Variants in ANKRD34B observed in about 807,000 individuals in gnomAD.
The protein encoded by ANKRD34B is ankyrin repeat domain-containing protein 34B.
In ANKRD34B, 2 loss-of-function variants were observed where a neutral mutation model predicts 4.4. The ratio of observed to expected loss-of-function variants is 0.46; its 90% CI spans 0.19 to 1.44. The LOEUF is 1.44. ANKRD34B is among the 40% of genes most tolerant of loss of function. The pLI, the probability that ANKRD34B is intolerant of heterozygous loss-of-function variation, is 0.26. For missense variants in ANKRD34B, 558 were observed against 604.7 expected (o/e 0.92, Z 0.81); for synonymous variants, 226 against 227.1 (o/e 0.99, Z 0.05).
rs370376846 is a variant in ANKRD34B, at chr5:80,558,447, T to G, written c.*28A>C. The G allele has an allele frequency of 6.1e-5, 89 of 1,464,914 alleles. No individual in the cohort carries two copies. Among genetic ancestry groups the G allele is most frequent in the Middle Eastern group, 1.8e-4 (1 of 5,454 alleles). 90.7% of individuals were successfully genotyped at this position (1,464,914 alleles called of 1,614,324 possible). On this transcript the variant is annotated 3_prime_UTR_variant, in exon 5 of 5. Transcript: ENST00000338682. ...TCTTTGTTTCTCTGATATAAACATT[T>G]GAAGAAGATGTGTTTTATACCCATC...
In ANKRD34B at chr5:80,558,465, T is replaced by C; in HGVS notation, c.*10A>G. The C allele has an allele frequency of 6.5e-7, 1 of 1,540,732 alleles. No homozygotes were observed. Among genetic ancestry groups the C allele is most frequent in the Non-Finnish European group, 8.9e-7 (1 of 1,119,604 alleles). ...AAACATTTGAAGAAGATGTGTTTTA[T>C]ACCCATCTCCTAGAAGTTTACTAAT... is the stretch of plus-strand genomic sequence containing the variant. On this transcript the variant is annotated 3_prime_UTR_variant, in exon 5 of 5. Transcript: ENST00000338682.
intron 3 of ANKRD34B, among the ~76,000 whole-genome samples, chr5:80,565,291 A>T (rs1746532457): frequency 6.6e-6 from 1 of 152,238 alleles, no homozygotes; most frequent in Non-Finnish European, 1.5e-5. Context: ...GACGAAGACC[A>T]CTTCTCTTGC....
At chr5:80,562,132 G>C (rs1475210552) in intron 4 of ANKRD34B, among the ~76,000 whole-genome samples, 1 of 147,828 alleles carries the variant, frequency 6.8e-6, no homozygotes, top group African/African-American at 2.5e-5. Context: ...AGGAGGAGTA[G>C]GTGAAAAGCT....
In ANKRD34B at chr5:80,557,883, A is replaced by G. The variant is rs1746288475; in HGVS notation, c.*592T>C. 6.6e-6 allele frequency: 1 copy of G among 152,194 alleles called. No homozygotes were observed. The highest frequency in any genetic ancestry group is 1.5e-5 in the Non-Finnish European group (1 of 68,032). 9.4% of individuals were successfully genotyped at this position (152,194 alleles called of 1,614,324 possible). On this transcript the variant is annotated 3_prime_UTR_variant, in exon 5 of 5. Coordinates refer to ENST00000338682, the MANE Select transcript of ANKRD34B (RefSeq NM_001004441.3). ...CACTAATTAAACTGACACCACGAAT[A>G]TTTTAGTTGCCCATTCTAATACAGT...
intron 4 of ANKRD34B, among the ~76,000 whole-genome samples, chr5:80,562,166 A>G (rs1179641961): frequency 6.6e-6 from 1 of 151,506 alleles, no homozygotes; most frequent in East Asian, 2.0e-4. Flanking sequence ...TTAGATTCCT[A>G]GGTCCTTGCT....
At chr5:80,569,547 T>G (rs1212611490) in intron 1 of ANKRD34B, among the ~76,000 whole-genome samples, 1 of 151,064 alleles carries the variant, frequency 6.6e-6, no homozygotes, top group African/African-American at 2.4e-5. Flanking sequence ...AGCCGGCACC[T>G]CCTGCTGCCC....
rs1746424823 is a variant in ANKRD34B at position 80,562,204 on chromosome 5, C to T, written c.-24+1531G>A. On this transcript the variant is annotated intron_variant, in intron 4 of 4. Coordinates refer to ENST00000338682, the MANE Select transcript of ANKRD34B (RefSeq NM_001004441.3). Reference sequence around the variant, plus strand: ...TTGAGGTGTGATCCTACCCTGGCATCACCACCACCAGAAAACTCTTTTATA... The same window carrying T: ...TTGAGGTGTGATCCTACCCTGGCATTACCACCACCAGAAAACTCTTTTATA... Among the ~76,000 whole-genome samples the T allele has an allele frequency of 3.9e-5, 6 of 152,100 alleles. No homozygotes were observed. In the South Asian group the frequency reaches 1.2e-3, roughly 32 times the overall value.
In ANKRD34B at chr5:80,558,375, C is replaced by A; in HGVS notation, c.*100G>T. 1 of 962,580 alleles carries A rather than the reference C, an allele frequency of 1.0e-6. No individual in the cohort carries two copies. The highest frequency in any genetic ancestry group is 1.7e-5 in the African/African-American group (1 of 60,522). The allele number at this position is 962,580 out of a possible 1,614,324, so 59.6% of individuals were successfully genotyped here. A position where few individuals can be genotyped will look rare whatever the true frequency, so the allele number is the denominator to read the frequency against. On this transcript the variant is annotated 3_prime_UTR_variant, in exon 5 of 5. Coordinates refer to ENST00000338682, the MANE Select transcript of ANKRD34B (RefSeq NM_001004441.3). ...ATCCATCTAGCCATTATGGACTAAC[C>A]AATCACGAGATTTAAAAGAATGAAC...
In ANKRD34B at chr5:80,559,720, A is replaced by G. The variant is rs766247967; in HGVS notation, c.300T>C (p.Val100=). The change falls in exon 5 of 5, where the codon GTT becomes GTC. Residue 100 remains valine (V), a synonymous_variant. Coordinates refer to ENST00000338682, the MANE Select transcript of ANKRD34B (RefSeq NM_001004441.3). ...HACLEKAGPE[V]VSLLLKSGAD... The stretch of plus-strand genomic sequence containing the variant: ...CCCCACTCTTGAGGAGCAAGGAAAC[A>G]ACTTCAGGGCCAGCTTTTTCTAAGC... 2 of 1,614,186 alleles carry G rather than the reference A, an allele frequency of 1.2e-6. No individual in the cohort carries two copies. The highest frequency in any genetic ancestry group is 1.1e-5 in the South Asian group (1 of 91,078).
chr5:80,569,369 G>T (rs1252575398), intron 1 of ANKRD34B, among the ~76,000 whole-genome samples: 2 of 152,176 alleles, frequency 1.3e-5, no homozygotes, highest in African/African-American at 2.4e-5. Flanking sequence ...CGGAGCAGGC[G>T]CACCTCTGCA....
rs1360099247 is a variant in ANKRD34B, at chr5:80,559,392, CA to C, written c.627del (p.Phe209LeufsTer22). The C allele has an allele frequency of 6.2e-7, 1 of 1,614,122 alleles. No individual in the cohort carries two copies. The highest frequency in any genetic ancestry group is 1.7e-5 in the Admixed American group (1 of 60,020). On this transcript the variant is annotated frameshift_variant, in exon 5 of 5. Coordinates refer to ENST00000338682, the MANE Select transcript of ANKRD34B (RefSeq NM_001004441.3). LOFTEE classifies it low-confidence loss of function (END_TRUNC). ...SHSSETELTL[F>X]GFKDLELAGS... ...CCAGCAAGCTCAAGATCTTTAAAGC[CA>C]AAAAGCGTCAGTTCCGTTTCAGAAG...
At chr5:80,561,336 T>G (rs966743500) in intron 4 of ANKRD34B, among the ~76,000 whole-genome samples, 18 of 152,130 alleles carry the variant, frequency 1.2e-4, no homozygotes, top group African/African-American at 4.3e-4. Flanking sequence ...GATTCAGTAG[T>G]TTTTGGAAAC....
At chr5:80,565,023 C>A (rs1274378970) in intron 3 of ANKRD34B, among the ~76,000 whole-genome samples, 2 of 152,182 alleles carry the variant, frequency 1.3e-5, no homozygotes, top group African/African-American at 4.8e-5. Flanking sequence ...CACTTTTTAA[C>A]GTTTAGTAGA....
At chr5:80,560,283 A>G (rs1457577382) in intron 4 of ANKRD34B, among the ~76,000 whole-genome samples, 1 of 152,222 alleles carries the variant, frequency 6.6e-6, no homozygotes, top group Non-Finnish European at 1.5e-5. Flanking sequence ...TATAGCACCA[A>G]AATAGTACTT....
chr5:80,564,298 C>A (rs75233327), intron 3 of ANKRD34B: 5,903 of 152,976 alleles, frequency 0.039, 156 homozygotes, highest in Non-Finnish European at 0.061. Flanking sequence ...AGGTGTGAGC[C>A]GCCATGCCCA....
At chr5:80,565,953 C>A (rs534703659) in intron 3 of ANKRD34B, among the ~76,000 whole-genome samples, 76 of 152,254 alleles carry the variant, frequency 5.0e-4, no homozygotes, top group African/African-American at 1.8e-3. Flanking sequence ...GCTTTTCATT[C>A]AAAAATTGCA....
rs184606099 is a variant in ANKRD34B at position 80,557,165 on chromosome 5, A to G, written c.*1310T>C. On this transcript the variant is annotated 3_prime_UTR_variant, in exon 5 of 5. Transcript: ENST00000338682. ...ATACACTTAGGTTTTGTATAGTCTGATTTATCCTTTGTTGTTAAGCTGCTA... is the reference window on the plus strand; with the variant it reads ...ATACACTTAGGTTTTGTATAGTCTGGTTTATCCTTTGTTGTTAAGCTGCTA... The G allele has an allele frequency of 6.6e-6, 1 of 152,650 alleles. No homozygotes were observed. The highest frequency in any genetic ancestry group is 1.9e-4 in the East Asian group (1 of 5,188). The allele number at this position is 152,650 out of a possible 1,614,324, so 9.5% of individuals were successfully genotyped here. A position where few individuals can be genotyped will look rare whatever the true frequency, so the allele number is the denominator to read the frequency against.
chr5:80,563,059 T>G (rs957005133), intron 4 of ANKRD34B, among the ~76,000 whole-genome samples: 5 of 149,132 alleles, frequency 3.4e-5, no homozygotes, highest in African/African-American at 7.4e-5. Flanking sequence ...GGCAATATTG[T>G]CCTTTCTTTA....
At chr5:80,562,102 T>TGTGTGA (rs1201694269) in intron 4 of ANKRD34B, among the ~76,000 whole-genome samples, 1 of 141,608 alleles carries the variant, frequency 7.1e-6, no homozygotes, top group South Asian at 2.2e-4. Flanking sequence ...TGTGTGTGTG[T>TGTGTGA]GAAGAATACA....
Sources: allele counts gnomAD v4.1 joint callset (sites outside exome capture counted in the v4.1 genomes callset), GRCh38; gene constraint gnomAD v4.1.1; transcripts MANE v1.5; gene names NCBI Gene and HGNC (gene_info 2026-07-23, HGNC 2026-07-21).